Variants in PCM1 observed in about 807,000 individuals in gnomAD.
PCM1 encodes the protein pericentriolar material 1.
A neutral mutation model predicts 241.9 loss-of-function variants in PCM1; 157 were observed. That is an observed-to-expected ratio of 0.65 (90% CI 0.57 to 0.74). The LOEUF is 0.74. PCM1 is among the 30% of genes least tolerant of loss of function. The pLI, the probability that PCM1 is intolerant of heterozygous loss-of-function variation, is 0.00. For synonymous variants in PCM1, 1,085 were observed against 784.9 expected (o/e 1.38, Z -6.39); for missense variants, 3,478 against 2,360.1 (o/e 1.47, Z -9.81).
At chr8:17,982,946 C>T (rs971224949) in intron 24 of PCM1, among the ~76,000 whole-genome samples, 11 of 152,096 alleles carry the variant, frequency 7.2e-5, no homozygotes, top group African/African-American at 2.7e-4. Context: ...CTTCTTCTCC[C>T]GTGGGTGTTG....
chr8:17,945,836 CATTT>C (rs1424206495), intron 6 of PCM1, among the ~76,000 whole-genome samples: 1 of 151,998 alleles, frequency 6.6e-6, no homozygotes, highest in Non-Finnish European at 1.5e-5. Flanking sequence ...TCTCTTTAGT[CATTT>C]ATTTGAAATT....
intron 36 of PCM1, among the ~76,000 whole-genome samples, chr8:18,016,874 G>T (rs2093270128): frequency 6.6e-6 from 1 of 152,182 alleles, no homozygotes; most frequent in Non-Finnish European, 1.5e-5. Flanking sequence ...TCTGGCTCCT[G>T]TAAGTACTTT....
At chr8:17,960,522 T>TTTTTC (rs1425869621) in intron 15 of PCM1, 78 bp downstream of exon 15, 3 of 957,046 alleles carry the variant, frequency 3.1e-6, no homozygotes, top group African/African-American at 2.4e-5. Context: ...CTCTTTTTTG[T>TTTTTC]TTTTGTTTTT....
intron 4 of PCM1, 95 bp from the exon 5 acceptor site, chr8:17,938,645 C>T (rs768534674): frequency 1.0e-4 from 86 of 819,748 alleles, no homozygotes; most frequent in Non-Finnish European, 1.6e-4. Flanking sequence ...CCTTCTGAAT[C>T]AATATCTGAT....
intron 24 of PCM1, among the ~76,000 whole-genome samples, chr8:17,984,752 A>G (rs1341698296): frequency 6.6e-6 from 1 of 152,002 alleles, no homozygotes; most frequent in East Asian, 1.9e-4. Flanking sequence ...GTTATCAACA[A>G]GTAAATTTAG....
chr8:18,021,113 G>A (rs1182803636), intron 36 of PCM1, among the ~76,000 whole-genome samples: 2 of 152,120 alleles, frequency 1.3e-5, no homozygotes, highest in Non-Finnish European at 2.9e-5. Context: ...ACAATGCTGT[G>A]CACTTGAGTT....
At chr8:17,978,081 A>T (rs2079380957) in intron 23 of PCM1, among the ~76,000 whole-genome samples, 1 of 152,232 alleles carries the variant, frequency 6.6e-6, no homozygotes, top group South Asian at 2.1e-4. Flanking sequence ...AGATTGAATT[A>T]TAACAAATTC....
At chr8:17,983,346 T>C (rs1489339742) in intron 24 of PCM1, 1 of 1,055,096 alleles carries the variant, frequency 9.5e-7, no homozygotes, top group Admixed American at 2.3e-5. Flanking sequence ...CCATTGGTCC[T>C]AAAGGTTTTA....
intron 36 of PCM1, among the ~76,000 whole-genome samples, chr8:18,017,629 A>T (rs2093350683): frequency 6.6e-6 from 1 of 152,166 alleles, no homozygotes; most frequent in Non-Finnish European, 1.5e-5. Flanking sequence ...CAAGGCAGGC[A>T]GATCACCTGA....
rs200928331 is a variant in PCM1, at chr8:17,962,114, C to G, written c.2403C>G (p.His801Gln). 4 of 1,610,518 alleles carry G rather than the reference C, an allele frequency of 2.5e-6. No homozygotes were observed. The African/African-American group carries it at 5.3e-5, about 22-fold the overall frequency. Residue 801 changes from histidine to glutamine, a missense_variant, in exon 16 of 39, where the codon CAC becomes CAG. By Grantham distance (24) the His-to-Gln change is conservative (BLOSUM62 0). Transcript: ENST00000325083. ...CTTCAACCCCAACTGTTAATCAACA[C>G]GAGACCAGTACAAGCAAATCTGTTT... is the stretch of plus-strand genomic sequence containing the variant. ...AVTSTPTVNQ[H>Q]ETSTSKSVFE...
intron 24 of PCM1, chr8:17,983,209 C>G: frequency 7.8e-7 from 1 of 1,284,332 alleles, no homozygotes; most frequent in Non-Finnish European, 1.0e-6. Context: ...TTATGTTCAT[C>G]CTTATGTCTG....
chr8:17,961,574 G>A (rs894914755), intron 15 of PCM1, among the ~76,000 whole-genome samples: 8 of 152,160 alleles, frequency 5.3e-5, no homozygotes, highest in African/African-American at 1.9e-4. Context: ...GCCTCCTGAA[G>A]TGTTGGGATT....
At chr8:17,974,779 A>G (rs2078086082) in intron 23 of PCM1, among the ~76,000 whole-genome samples, 1 of 152,088 alleles carries the variant, frequency 6.6e-6, no homozygotes, top group African/African-American at 2.4e-5. Context: ...GTATAAAAAT[A>G]CCTGCTGTTT....
intron 32 of PCM1, 86 bp from the exon 33 acceptor site, chr8:18,011,151 T>G: frequency 1.2e-6 from 1 of 823,748 alleles, no homozygotes; most frequent in Non-Finnish European, 1.7e-6. Context: ...TATTAGATAA[T>G]GATCATTATT....
chr8:17,972,242 C>T (rs1229215216), intron 22 of PCM1, 87 bp from the exon 23 acceptor site: 2 of 576,544 alleles, frequency 3.5e-6, no homozygotes, highest in African/African-American at 8.7e-5. Flanking sequence ...TCACCTAAAT[C>T]TACTCGAGTA....
chr8:18,017,984 A>T (rs1051649004), intron 36 of PCM1, among the ~76,000 whole-genome samples: 1 of 152,264 alleles, frequency 6.6e-6, no homozygotes, highest in African/African-American at 2.4e-5. Flanking sequence ...TAAGATCAGC[A>T]TCAGTGGGAG....
chr8:17,950,718 T>C lies in PCM1; in HGVS notation c.1065T>C (p.Asp355=), dbSNP rs757519698. Residue 355 remains aspartate (D), a synonymous_variant, in exon 8 of 39, where the codon GAT becomes GAC. Coordinates refer to ENST00000325083, the MANE Select transcript of PCM1 (RefSeq NM_006197.4). The stretch of plus-strand genomic sequence containing the variant: ...AGCGTTTTCATAATCAGCTTCGTGA[T>C]TCTCAGGTAACCTAGATGTTTTAGT... The part of the protein sequence containing the change: ...LIQRFHNQLR[D]SQPPAVPDNR... The C allele has an allele frequency of 6.5e-7, 1 of 1,548,900 alleles. No homozygotes were observed. Among genetic ancestry groups the C allele is most frequent in the Non-Finnish European group, 8.9e-7 (1 of 1,129,500 alleles).
intron 23 of PCM1, among the ~76,000 whole-genome samples, chr8:17,975,974 T>G (rs1469783902): frequency 1.3e-5 from 2 of 152,208 alleles, no homozygotes; most frequent in Non-Finnish European, 2.9e-5. Context: ...CTTCTGATAT[T>G]ATTAGTAGTA....
chr8:17,956,694 G>A lies in PCM1; in HGVS notation c.1563G>A (p.Val521=). ...CGTCAGACATGATGACAGATGCTGT[G>A]AATGAAAACAGGAAAGATGAAGAAA... ...EQTSDMMTDA[V]NENRKDEETE... Residue 521 remains valine (V), a synonymous_variant, in exon 11 of 39, where the codon GTG becomes GTA. Transcript: ENST00000325083. 6.2e-7 allele frequency: 1 copy of A among 1,604,150 alleles called. No homozygotes were observed.
Sources: allele counts gnomAD v4.1 joint callset (sites outside exome capture counted in the v4.1 genomes callset), GRCh38; gene constraint gnomAD v4.1.1; transcripts MANE v1.5; gene names NCBI Gene and HGNC (gene_info 2026-07-23, HGNC 2026-07-21).